LIMS1: variants seen among roughly 807,000 people sequenced by gnomAD.
LIMS1 encodes LIM zinc finger domain containing 1.
A neutral mutation model predicts 44.1 loss-of-function variants in LIMS1; 18 were observed. The observed-to-expected ratio is 0.41, with a 90% CI of 0.28 to 0.61. The LOEUF (loss-of-function observed/expected upper bound fraction) is 0.61. Among genes scored for constraint, LIMS1 ranks in the 20% least tolerant of loss-of-function variants. The pLI is 0.32. For missense variants in LIMS1, 201 were observed against 422.0 expected, an observed-to-expected ratio of 0.48 and a Z score of 4.59; for synonymous variants, 93 against 149.1, an observed-to-expected ratio of 0.62 and a Z score of 2.74.
chr2:108,591,877 C>G (rs1329455850), intron 1 of LIMS1, among the ~76,000 whole-genome samples: 1 of 151,498 alleles, frequency 6.6e-6, no homozygotes, highest in East Asian at 1.9e-4. Context: ...TCACTGCAAC[C>G]TCCGCCTCCC....
intron 1 of LIMS1, among the ~76,000 whole-genome samples, chr2:108,552,304 A>G (rs1250670231): frequency 7.1e-6 from 1 of 140,320 alleles, no homozygotes; most frequent in Non-Finnish European, 1.5e-5. Context: ...CTATACGTGT[A>G]GTATATATAT....
chr2:108,558,217 T>G (rs1186283092), intron 1 of LIMS1, among the ~76,000 whole-genome samples: 1 of 125,040 alleles, frequency 8.0e-6, no homozygotes, highest in African/African-American at 2.6e-5. Flanking sequence ...TTTGTGCATT[T>G]TTTTCTTTTT....
chr2:108,561,908 A>G (rs543079428), intron 1 of LIMS1, among the ~76,000 whole-genome samples: 2 of 151,982 alleles, frequency 1.3e-5, no homozygotes, highest in East Asian at 1.9e-4. Flanking sequence ...ATGCCCAGCT[A>G]ATTTTTGTAC....
At chr2:108,588,062 A>G (rs976810656) in intron 1 of LIMS1, among the ~76,000 whole-genome samples, 4 of 152,182 alleles carry the variant, frequency 2.6e-5, no homozygotes, top group South Asian at 2.1e-4. Context: ...ACCTCTTTCT[A>G]TGATGATCAG....
rs765521666 is a variant in LIMS1, at chr2:108,546,044, T to G, written c.32+11450T>G. ...ACATCACTCTTATGTTGTTAGCATG[T>G]AATCCTGTCTAGTCTCCTACTTAAT... On this transcript the variant is annotated intron_variant, in intron 1 of 9. Coordinates refer to ENST00000544547, the Ensembl canonical transcript of LIMS1. 4.3e-4 allele frequency among the ~76,000 whole-genome samples: 66 copies of G among 152,254 alleles called. 1 individual carries two copies. Among genetic ancestry groups the G allele is most frequent in the Non-Finnish European group, 8.5e-4 (58 of 68,044 alleles).
intron 1 of LIMS1, among the ~76,000 whole-genome samples, chr2:108,608,404 C>T (rs914847279): frequency 6.6e-6 from 1 of 151,490 alleles, no homozygotes; most frequent in Non-Finnish European, 1.5e-5. Flanking sequence ...CTCCCGGGTT[C>T]AAGCTATTCT....
chr2:108,637,921 G>A (rs1383345453), intron 1 of LIMS1, among the ~76,000 whole-genome samples: 1 of 151,362 alleles, frequency 6.6e-6, no homozygotes, highest in African/African-American at 2.4e-5. Flanking sequence ...GAATGCAGTG[G>A]CATGATCACA....
At chr2:108,558,021 A>G (rs1314407856) in intron 1 of LIMS1, among the ~76,000 whole-genome samples, 1 of 152,234 alleles carries the variant, frequency 6.6e-6, no homozygotes, top group Non-Finnish European at 1.5e-5. Context: ...CAGTTCTATT[A>G]ATACTTTCTA....
intron 1 of LIMS1, among the ~76,000 whole-genome samples, chr2:108,591,551 C>T (rs1439488868): frequency 6.6e-6 from 1 of 152,130 alleles, no homozygotes; most frequent in African/African-American, 2.4e-5. Flanking sequence ...CCTTGACCTC[C>T]TGGGCTCAAG....
intron 1 of LIMS1, among the ~76,000 whole-genome samples, chr2:108,590,303 T>A (rs558687950): frequency 6.6e-6 from 1 of 152,242 alleles, no homozygotes; most frequent in Admixed American, 6.5e-5. Context: ...GGAATAGTTA[T>A]AATGAACAGG....
intron 1 of LIMS1, chr2:108,621,411 A>G (rs1175702131): frequency 1.9e-6 from 3 of 1,551,232 alleles, no homozygotes; most frequent in East Asian, 4.9e-5. Context: ...GGAGAAGACG[A>G]GATCGCCCCG....
At chr2:108,648,770 G>C (rs1346159206) in intron 1 of LIMS1, among the ~76,000 whole-genome samples, 3 of 152,142 alleles carry the variant, frequency 2.0e-5, no homozygotes, top group Non-Finnish European at 4.4e-5. Flanking sequence ...TGGGAAAACT[G>C]GCTAGCCATA....
At chr2:108,551,186 T>C (rs1684677866) in intron 1 of LIMS1, among the ~76,000 whole-genome samples, 1 of 151,662 alleles carries the variant, frequency 6.6e-6, no homozygotes, top group African/African-American at 2.4e-5. Context: ...TGCTATAAAA[T>C]TCACTTGTTG....
chr2:108,543,672 C>T (rs535592476), intron 1 of LIMS1, among the ~76,000 whole-genome samples: 2 of 152,256 alleles, frequency 1.3e-5, no homozygotes, highest in South Asian at 4.2e-4. Context: ...AGCACTCAGA[C>T]CTTAGTTATA....
At chr2:108,614,079 C>G (rs998057256) in intron 1 of LIMS1, among the ~76,000 whole-genome samples, 1 of 152,178 alleles carries the variant, frequency 6.6e-6, no homozygotes, top group African/African-American at 2.4e-5. Flanking sequence ...AGGTGCACAG[C>G]TGGGTTGGGG....
rs530754459 is a variant in LIMS1 at position 108,589,813 on chromosome 2, T to C, written c.32+55219T>C. On this transcript the variant is annotated intron_variant, in intron 1 of 9. Transcript: ENST00000544547. ...GATAGTTGTTTAGGAGCATATTGTT[T>C]AATTTCCACATATTTGTTAATTTTC... Among the ~76,000 whole-genome samples the C allele has an allele frequency of 7.2e-5, 11 of 152,364 alleles. No homozygotes were observed. The South Asian group carries it at 2.1e-3, about 29-fold the overall frequency.
intron 1 of LIMS1, among the ~76,000 whole-genome samples, chr2:108,583,762 T>C (rs1685986890): frequency 6.7e-6 from 1 of 149,344 alleles, no homozygotes; most frequent in Non-Finnish European, 1.5e-5. Flanking sequence ...TGGTGTGATC[T>C]CAGCTTACTG....
rs528800290 is a variant in LIMS1 at position 108,642,825 on chromosome 2, G to A, written c.33-16780G>A. 3.9e-5 allele frequency among the ~76,000 whole-genome samples: 6 copies of A among 152,304 alleles called. No individual in the cohort carries two copies. In the South Asian group the frequency reaches 1.2e-3, roughly 32 times the overall value. The stretch of plus-strand genomic sequence containing the variant: ...GGCCATGGCTTATGTCAGAGGTGGA[G>A]TTAGTTTTGACTAAAATCATGAAGT... On this transcript the variant is annotated intron_variant, in intron 1 of 9. Coordinates refer to ENST00000544547, the Ensembl canonical transcript of LIMS1.
intron 1 of LIMS1, among the ~76,000 whole-genome samples, chr2:108,598,188 T>C (rs575567248): frequency 3.2e-3 from 485 of 151,846 alleles, no homozygotes; most frequent in Admixed American, 8.0e-3. Context: ...TTTCATAGAT[T>C]AGGACATGAT....
Sources: allele counts gnomAD v4.1 joint callset (sites outside exome capture counted in the v4.1 genomes callset), GRCh38; gene constraint gnomAD v4.1.1; transcripts MANE v1.5; gene names NCBI Gene and HGNC (gene_info 2026-07-23, HGNC 2026-07-21).